The following SHC2 variants were observed in gnomAD, a reference collection of about 807,000 sequenced individuals.
SHC2 encodes the protein SHC-transforming protein 2.
Under a neutral mutation model 60.6 loss-of-function variants are expected in SHC2, and 62 were observed. The observed-to-expected ratio is 1.02, with a 90% CI of 0.83 to 1.26. The LOEUF is 1.26. Among genes scored for constraint, SHC2 ranks in the 50% most tolerant of loss-of-function variants. The probability of loss-of-function intolerance (pLI) is 0.00; values close to 1 mark genes in which losing one functional copy is unlikely to be tolerated. For missense variants in SHC2, 873 were observed against 822.2 expected (o/e 1.06, Z -0.76); for synonymous variants, 375 against 372.4 (o/e 1.01, Z -0.08).
intron 1 of SHC2, among the ~76,000 whole-genome samples, chr19:448,324 C>A (rs986504702): frequency 5.9e-5 from 9 of 152,198 alleles, no homozygotes; most frequent in Non-Finnish European, 1.2e-4. Context: ...GCGGGCAGGG[C>A]CTCGCTCCCT....
chr19:423,760 C>A (rs1974340735), intron 10 of SHC2, among the ~76,000 whole-genome samples: 2 of 152,242 alleles, frequency 1.3e-5, no homozygotes, highest in South Asian at 4.1e-4. Flanking sequence ...CAGCCAGCGA[C>A]TGGTTTGGGG....
intron 4 of SHC2, 58 bp from the exon 5 acceptor site, chr19:436,741 C>G: frequency 6.6e-7 from 1 of 1,505,590 alleles, no homozygotes; most frequent in Middle Eastern, 1.7e-4. Context: ...GCAGGGGGCC[C>G]GGCAGATGGA....
rs939059343 is a variant in SHC2 at position 422,058 on chromosome 19, G to A, written c.1620+88C>T. 3.0e-5 allele frequency: 14 copies of A among 465,990 alleles called. No individual in the cohort carries two copies. In the East Asian group the frequency reaches 4.0e-3, roughly 134 times the overall value. 28.9% of individuals were successfully genotyped at this position (465,990 alleles called of 1,614,324 possible). On this transcript the variant is annotated intron_variant, in intron 11 of 12. Coordinates refer to ENST00000264554, the MANE Select transcript of SHC2 (RefSeq NM_012435.3). This position sits in a 1 kb window ranked among gnomAD's most constrained non-coding sequence, Gnocchi z 5.0. ...TGAGACCCTCCCACCTGTGCCCAGC[G>A]AAGCCCCTGGATGCCCCGAGACCCT...
intron 1 of SHC2, among the ~76,000 whole-genome samples, chr19:450,064 C>A (rs1346243796): frequency 6.6e-6 from 1 of 152,242 alleles, no homozygotes; most frequent in Non-Finnish European, 1.5e-5. Context: ...CCGTCAGTGC[C>A]CCTGGCCATG....
In SHC2 at chr19:422,736, C is replaced by T; in HGVS notation, c.1310-280G>A. On this transcript the variant is annotated intron_variant, in intron 10 of 12. Transcript: ENST00000264554. This position sits in a 1 kb window ranked among gnomAD's most constrained non-coding sequence, Gnocchi z 5.0. ...AGCTCTTTCTTTCAGAGGTTAACTC[C>T]TATTTCTTTTTCCTGCCTTGTCAGG... The T allele has an allele frequency of 2.8e-6, 1 of 360,266 alleles. No individual in the cohort carries two copies. Among genetic ancestry groups the T allele is most frequent in the Non-Finnish European group, 5.0e-6 (1 of 200,428 alleles). The allele number at this position is 360,266 out of a possible 1,614,324, so 22.3% of individuals were successfully genotyped here. A position where few individuals can be genotyped will look rare whatever the true frequency, so the allele number is the denominator to read the frequency against.
At position 434,563 on chromosome 19, in the gene SHC2, CAT is replaced by C; in HGVS notation, c.1110+144_1110+145del. ...TTGTGAGTCTGTGAGTAAGTGAAATCATGAGTGAGTGAGTGAGTGAGTCTGAG... is the reference window on the plus strand; with the variant it reads ...TTGTGAGTCTGTGAGTAAGTGAAATCGAGTGAGTGAGTGAGTGAGTCTGAG... On this transcript the variant is annotated intron_variant, in intron 8 of 12. Transcript: ENST00000264554. 1.1e-4 allele frequency: 2 copies of C among 18,410 alleles called. 1 individual carries two copies. Among genetic ancestry groups the C allele is most frequent in the Non-Finnish European group, 4.2e-4 (2 of 4,788 alleles). 1.1% of individuals were successfully genotyped at this position (18,410 alleles called of 1,614,324 possible). A position where few individuals can be genotyped will look rare whatever the true frequency, so the allele number is the denominator to read the frequency against.
chr19:425,168 A>T lies in SHC2; in HGVS notation c.1238T>A (p.Leu413Gln), dbSNP rs754244054. ...GTCCAGACCCTGGGTGTTGACATACAGGTGCTCCTCGTGGTCCGGGGGGCC... is the reference window on the plus strand; with the variant it reads ...GTCCAGACCCTGGGTGTTGACATACTGGTGCTCCTCGTGGTCCGGGGGGCC... ...ARGPPDHEEH[L>Q]YVNTQGLDAP... The change falls in exon 10 of 13, where the codon CTG (leucine) becomes CAG (glutamine). Residue 413 changes from leucine to glutamine, a missense_variant. By Grantham distance (113) the Leu-to-Gln change is moderately radical. Transcript: ENST00000264554. This position sits in a 1 kb window ranked among gnomAD's most constrained non-coding sequence, Gnocchi z 4.1. The T allele has an allele frequency of 5.1e-6, 7 of 1,361,546 alleles. No homozygotes were observed. The highest frequency in any genetic ancestry group is 2.0e-4 in the Middle Eastern group (1 of 5,054). The allele number at this position is 1,361,546 out of a possible 1,614,324, so 84.3% of individuals were successfully genotyped here.
intron 1 of SHC2, among the ~76,000 whole-genome samples, chr19:443,935 CGGGTGAATGGAT>C (rs1398935145): frequency 3.0e-5 from 2 of 66,412 alleles, no homozygotes; most frequent in East Asian, 1.2e-3. Context: ...GATGGATGGA[CGGGTGAATGGAT>C]GGGTGGGTGG....
chr19:447,881 T>C (rs886626417), intron 1 of SHC2, among the ~76,000 whole-genome samples: 7 of 152,224 alleles, frequency 4.6e-5, no homozygotes, highest in Non-Finnish European at 8.8e-5. Flanking sequence ...AAATGAAAAG[T>C]GTCCATTCAC....
Position 438,982 on chromosome 19 carries a change from G to A in SHC2, c.588C>T (p.Ser196=). ...LHEAVPGVRG[S]WKKKAPNKAL... is the part of the protein sequence containing the mutation. ...AAGCCTCACTCACCTTTTTCTTCCA[G>A]GATCCCCGGACGCCAGGCACGGCCT... is the stretch of plus-strand genomic sequence containing the variant. Residue 196 remains serine (S), a synonymous_variant, in exon 3 of 13, where the codon TCC becomes TCT. Coordinates refer to ENST00000264554, the MANE Select transcript of SHC2 (RefSeq NM_012435.3). The surrounding 1 kb of genome is among the most constrained non-coding windows in gnomAD (Gnocchi z 5.0). The A allele has an allele frequency of 1.2e-6, 2 of 1,601,824 alleles. No individual in the cohort carries two copies. Among genetic ancestry groups the A allele is most frequent in the Non-Finnish European group, 1.7e-6 (2 of 1,174,908 alleles).
In SHC2 at chr19:422,328, C is replaced by A. The variant is rs771591900; in HGVS notation, c.1438G>T (p.Glu480Ter). 4.3e-6 allele frequency: 7 copies of A among 1,610,614 alleles called. No homozygotes were observed. The highest frequency in any genetic ancestry group is 5.9e-6 in the Non-Finnish European group (7 of 1,179,044). Reference protein sequence around the residue: ...TRRAPVAPTEEQLRQEPWYHG... With the variant: ...TRRAPVAPTE ...TACCAGGGCTCCTGACGCAGCTGTT[C>A]CTCCGTGGGGGCCACAGGGGCCCGG... The change falls in exon 11 of 13, where the codon GAA becomes TAA. Residue 480 changes from glutamate (E) to a stop codon, truncating the protein, a stop_gained. Coordinates refer to ENST00000264554, the MANE Select transcript of SHC2 (RefSeq NM_012435.3). LOFTEE classifies it high-confidence loss of function. This position sits in a 1 kb window ranked among gnomAD's most constrained non-coding sequence, Gnocchi z 5.0.
In SHC2 at chr19:451,359, G is replaced by A. The variant is rs540534547; in HGVS notation, c.468+9170C>T. ...CGCCGTGGCTGTGCCGTATTTCAGC[G>A]TGTGGATGGCCACGCCGTGGGCCAC... On this transcript the variant is annotated intron_variant, in intron 1 of 12. Transcript: ENST00000264554. Among the ~76,000 whole-genome samples the A allele has an allele frequency of 7.3e-4, 93 of 127,712 alleles. 1 individual carries two copies. Among genetic ancestry groups the A allele is most frequent in the African/African-American group, 3.1e-3 (83 of 26,900 alleles). The allele number at this position is 127,712 out of a possible 152,430, so 83.8% of individuals were successfully genotyped here. A position where few individuals can be genotyped will look rare whatever the true frequency, so the allele number is the denominator to read the frequency against.
In SHC2 at chr19:422,122, C is replaced by T; in HGVS notation, c.1620+24G>A. On this transcript the variant is annotated intron_variant, in intron 11 of 12. Coordinates refer to ENST00000264554, the MANE Select transcript of SHC2 (RefSeq NM_012435.3). The surrounding 1 kb of genome is among the most constrained non-coding windows in gnomAD (Gnocchi z 5.0). ...AGCGAAGCCCCTGGATGCCCCGAGACCCTCCCACCTGTGCACAGCTTACCA... is the reference window on the plus strand; with the variant it reads ...AGCGAAGCCCCTGGATGCCCCGAGATCCTCCCACCTGTGCACAGCTTACCA... 1.4e-6 allele frequency: 2 copies of T among 1,390,010 alleles called. No homozygotes were observed. The highest frequency in any genetic ancestry group is 2.5e-5 in the South Asian group (2 of 78,930). 86.1% of individuals were successfully genotyped at this position (1,390,010 alleles called of 1,614,324 possible).
At chr19:448,288 C>T (rs1208231915) in intron 1 of SHC2, among the ~76,000 whole-genome samples, 2 of 152,188 alleles carry the variant, frequency 1.3e-5, no homozygotes, top group African/African-American at 4.8e-5. Context: ...CTCCACGTCC[C>T]AGAGCCGGGA....
At chr19:452,536 T>C (rs553567620) in intron 1 of SHC2, among the ~76,000 whole-genome samples, 3 of 138,104 alleles carry the variant, frequency 2.2e-5, no homozygotes, top group African/African-American at 8.1e-5. Context: ...CTCCGTTTCA[T>C]TGAGGTTGGG....
In SHC2 at chr19:451,296, C is replaced by T. The variant is rs952493702; in HGVS notation, c.468+9233G>A. The stretch of plus-strand genomic sequence containing the variant: ...CTGTATTTCAGCATGTGGATGGCCA[C>T]GCTGTGGCCACATCATATTTCAGCG... On this transcript the variant is annotated intron_variant, in intron 1 of 12. Coordinates refer to ENST00000264554, the MANE Select transcript of SHC2 (RefSeq NM_012435.3). Among the ~76,000 whole-genome samples, 7 of 145,874 alleles carry T rather than the reference C, an allele frequency of 4.8e-5. No homozygotes were observed. The East Asian group carries it at 6.3e-4, about 13-fold the overall frequency.
chr19:454,551 C>T (rs935646517), intron 1 of SHC2, among the ~76,000 whole-genome samples: 6 of 152,204 alleles, frequency 3.9e-5, no homozygotes, highest in African/African-American at 9.6e-5. Flanking sequence ...CTTTGGGAGG[C>T]GCAGGCGGGC....
rs1434698818 is a variant in SHC2 at position 425,622 on chromosome 19, C to T, written c.1175-391G>A. 6.6e-6 allele frequency among the ~76,000 whole-genome samples: 1 copy of T among 152,244 alleles called. No individual in the cohort carries two copies. The highest frequency in any genetic ancestry group is 2.4e-5 in the African/African-American group (1 of 41,478). Reference sequence around the variant, plus strand: ...TTTAAAAATAATCACAGTAACTCTGCTTCCCTGTAATTATGCTATCAACAT... The same window carrying T: ...TTTAAAAATAATCACAGTAACTCTGTTTCCCTGTAATTATGCTATCAACAT... On this transcript the variant is annotated intron_variant, in intron 9 of 12. Transcript: ENST00000264554. The surrounding 1 kb of genome is among the most constrained non-coding windows in gnomAD (Gnocchi z 4.1).
Position 458,228 on chromosome 19 carries a change from C to T in SHC2, c.468+2301G>A, listed in dbSNP as rs150058941. 4.5e-4 allele frequency among the ~76,000 whole-genome samples: 47 copies of T among 103,924 alleles called. 5 individuals carry two copies. The highest frequency in any genetic ancestry group is 1.8e-3 in the African/African-American group (42 of 22,976). The allele number at this position is 103,924 out of a possible 152,430, so 68.2% of individuals were successfully genotyped here. A position where few individuals can be genotyped will look rare whatever the true frequency, so the allele number is the denominator to read the frequency against. On this transcript the variant is annotated intron_variant, in intron 1 of 12. Transcript: ENST00000264554. ...GTTCCGGGGAGGCAGACGCGGGTTC[C>T]GGCGGAGGGGGAAGTGGGTTCCGGG...
Sources: gnomAD v4.1 joint callset for allele counts (sites outside exome capture counted in the v4.1 genomes callset) on GRCh38, gnomAD v4.1.1 for gene constraint, Gnocchi (gnomAD v3.1) non-coding constraint, MANE v1.5 for transcripts, NCBI Gene and HGNC (gene_info 2026-07-23, HGNC 2026-07-21) for gene names.